KIF21A: variants seen among roughly 807,000 people sequenced by gnomAD.
KIF21A encodes kinesin family member 21A.
A neutral mutation model predicts 202.9 loss-of-function variants in KIF21A; 114 were observed. That is an observed-to-expected ratio of 0.56 (90% CI 0.48 to 0.66). The LOEUF is 0.66. KIF21A is among the 30% of genes least tolerant of loss of function. The pLI, the probability that KIF21A is intolerant of heterozygous loss-of-function variation, is 0.00. For synonymous variants in KIF21A, 667 were observed against 670.8 expected (o/e 0.99, Z 0.09); for missense variants, 1,677 against 1,994.9 (o/e 0.84, Z 3.04).
intron 8 of KIF21A, 120 bp downstream of exon 8, chr12:39,358,055 AAGG>A (rs1204928067): frequency 6.0e-6 from 5 of 837,940 alleles, no homozygotes; most frequent in East Asian, 2.4e-5. Context: ...CTCCAAAAGG[AAGG>A]AGGACACTAT....
intron 37 of KIF21A, 40 bp from the exon 38 acceptor site, chr12:39,294,557 G>A (rs1210980789): frequency 1.4e-6 from 2 of 1,433,934 alleles, no homozygotes; most frequent in Middle Eastern, 1.8e-4. Flanking sequence ...ATGAACAAGG[G>A]CAGAAAGATA....
At chr12:39,433,887 T>C (rs1303793717) in intron 1 of KIF21A, among the ~76,000 whole-genome samples, 2 of 152,184 alleles carry the variant, frequency 1.3e-5, no homozygotes, top group East Asian at 3.8e-4. Context: ...CTTATAGTGG[T>C]GTAAGTAAGA....
chr12:39,440,303 T>C (rs1939380363), intron 1 of KIF21A, among the ~76,000 whole-genome samples: 1 of 152,216 alleles, frequency 6.6e-6, no homozygotes, highest in African/African-American at 2.4e-5. Context: ...GCAGGGTTAA[T>C]GGTTAAGAAC....
At chr12:39,353,209 C>G (rs1384950606) in intron 10 of KIF21A, among the ~76,000 whole-genome samples, 1 of 152,068 alleles carries the variant, frequency 6.6e-6, no homozygotes, top group Non-Finnish European at 1.5e-5. Flanking sequence ...ATAGTTGAGA[C>G]AGATGGGGTC....
At chr12:39,353,344 A>C (rs1265793746) in intron 10 of KIF21A, among the ~76,000 whole-genome samples, 1 of 152,140 alleles carries the variant, frequency 6.6e-6, no homozygotes, top group Non-Finnish European at 1.5e-5. Context: ...CTTTAATGAA[A>C]TTGTTTTATT....
chr12:39,397,561 AG>A (rs994357224), intron 1 of KIF21A, among the ~76,000 whole-genome samples: 4 of 152,176 alleles, frequency 2.6e-5, no homozygotes, highest in African/African-American at 9.7e-5. Flanking sequence ...GCGACTCCCA[AG>A]GCTCCAAGAC....
chr12:39,324,106 C>A (rs973237001), intron 26 of KIF21A, among the ~76,000 whole-genome samples: 3 of 151,124 alleles, frequency 2.0e-5, no homozygotes, highest in East Asian at 1.9e-4. Flanking sequence ...CAAGACTCTG[C>A]CTCAAAAAAA....
chr12:39,310,366 C>T (rs1469994979), intron 32 of KIF21A, among the ~76,000 whole-genome samples: 1 of 151,820 alleles, frequency 6.6e-6, no homozygotes, highest in Non-Finnish European at 1.5e-5. Flanking sequence ...AATTTCTTTA[C>T]TTTTACTCTC....
In KIF21A at chr12:39,333,076, A is replaced by G. The variant is rs377418348; in HGVS notation, c.2519T>C (p.Met840Thr). The G allele has an allele frequency of 2.3e-4, 364 of 1,613,870 alleles. 1 individual carries two copies. Among genetic ancestry groups the G allele is most frequent in the Non-Finnish European group, 3.1e-4 (360 of 1,180,004 alleles). Residue 840 changes from methionine to threonine, a missense_variant, in exon 19 of 38, where the codon ATG becomes ACG. Physicochemically the swap from Met to Thr is moderately conservative, Grantham distance 81. Coordinates refer to ENST00000361418, the MANE Select transcript of KIF21A (RefSeq NM_001173464.2). ...AACTTTCCCAGCCACTTTATCTGACATGGGTCTTACTTGCCGACGAAGAGC... is the reference window on the plus strand; with the variant it reads ...AACTTTCCCAGCCACTTTATCTGACGTGGGTCTTACTTGCCGACGAAGAGC... ...VTALRRQVRP[M>T]SDKVAGKVTR...
At chr12:39,350,419 T>C (rs1948270581) in intron 11 of KIF21A, among the ~76,000 whole-genome samples, 1 of 152,168 alleles carries the variant, frequency 6.6e-6, no homozygotes, top group East Asian at 1.9e-4. Context: ...ACTTACTTAT[T>C]ATTTATGAAT....
chr12:39,333,100 G>A lies in KIF21A; in HGVS notation c.2495C>T (p.Ala832Val), dbSNP rs1565819019. 6.2e-7 allele frequency: 1 copy of A among 1,613,888 alleles called. No individual in the cohort carries two copies. Among genetic ancestry groups the A allele is most frequent in the Non-Finnish European group, 8.5e-7 (1 of 1,179,918 alleles). ...CATGGGTCTTACTTGCCGACGAAGA[G>A]CCGTAACCTGAAATTGCAGCAAAGG... Reference protein sequence around the residue: ...VLRRKTEEVTALRRQVRPMSD... With the variant: ...VLRRKTEEVTVLRRQVRPMSD... Residue 832 changes from alanine to valine, a missense_variant, in exon 19 of 38, where the codon GCT (alanine) becomes GTT (valine). By Grantham distance (64) the Ala-to-Val change is moderately conservative (BLOSUM62 0). Around this residue, in one of 3 missense-constraint regions of KIF21A, gnomAD observed 966 missense variants for 1,180.9 expected, o/e 0.82. Coordinates refer to ENST00000361418, the MANE Select transcript of KIF21A (RefSeq NM_001173464.2).
intron 6 of KIF21A, among the ~76,000 whole-genome samples, chr12:39,364,357 A>G (rs1465319912): frequency 6.6e-6 from 1 of 152,210 alleles, no homozygotes; most frequent in Non-Finnish European, 1.5e-5. Flanking sequence ...TCAAGAGCCT[A>G]AAGAGGAAAA....
chr12:39,359,536 T>G (rs1949042280), intron 7 of KIF21A, among the ~76,000 whole-genome samples: 3 of 152,192 alleles, frequency 2.0e-5, no homozygotes. Context: ...GTGTGTCATG[T>G]GTACATAATA....
intron 1 of KIF21A, among the ~76,000 whole-genome samples, chr12:39,372,894 T>C (rs1950050666): frequency 6.6e-6 from 1 of 152,080 alleles, no homozygotes; most frequent in Non-Finnish European, 1.5e-5. Context: ...CAACCTCAAT[T>C]CCATGTCAAT....
At chr12:39,441,169 C>T (rs1939520411) in intron 1 of KIF21A, among the ~76,000 whole-genome samples, 1 of 152,086 alleles carries the variant, frequency 6.6e-6, no homozygotes, top group African/African-American at 2.4e-5. Flanking sequence ...ATCAAACCCA[C>T]ATTCATTCAC....
chr12:39,322,027 T>A (rs1945325071), intron 27 of KIF21A: 1 of 152,536 alleles, frequency 6.6e-6, no homozygotes, highest in Admixed American at 6.5e-5. Context: ...TTAAAAATAG[T>A]CTATGCAAGA....
At chr12:39,356,713 A>G (rs376078255) in intron 10 of KIF21A, 119 bp downstream of exon 10, 1 of 596,932 alleles carries the variant, frequency 1.7e-6, no homozygotes, top group African/African-American at 1.9e-5. Context: ...ACCTAACCAA[A>G]GGGCTGAAAT....
At chr12:39,436,579 G>A (rs1938814136) in intron 1 of KIF21A, among the ~76,000 whole-genome samples, 1 of 144,906 alleles carries the variant, frequency 6.9e-6, no homozygotes, top group African/African-American at 2.6e-5. Context: ...AGCCTCCCAA[G>A]TGGCACGGAC....
Position 39,425,394 on chromosome 12 carries a change from C to T in KIF21A, c.44+17533G>A, listed in dbSNP as rs181046570. Among the ~76,000 whole-genome samples, 354 of 152,202 alleles carry T rather than the reference C, an allele frequency of 2.3e-3. 1 individual carries two copies. Among genetic ancestry groups the T allele is most frequent in the South Asian group, 5.6e-3 (27 of 4,820 alleles). On this transcript the variant is annotated intron_variant, in intron 1 of 37. Coordinates refer to ENST00000361418, the MANE Select transcript of KIF21A (RefSeq NM_001173464.2). ...TTTTTGACAGACTGAATAAAGTCTC[C>T]GTAAGAATAATCCGAAGTAAATTAT...
Sources: allele counts gnomAD v4.1 joint callset (sites outside exome capture counted in the v4.1 genomes callset), GRCh38; gene constraint gnomAD v4.1.1; regional missense constraint gnomAD v4.1.1; transcripts MANE v1.5; gene names NCBI Gene and HGNC (gene_info 2026-07-23, HGNC 2026-07-21).